The following PCDH15 variants were observed in gnomAD, a reference collection of about 807,000 sequenced individuals.
PCDH15 encodes the protein protocadherin-15.
A neutral mutation model predicts 178.5 loss-of-function variants in PCDH15; 129 were observed. The observed-to-expected ratio is 0.72, with a 90% confidence interval of 0.63 to 0.84. The LOEUF is 0.84. PCDH15 is among the 40% of genes least tolerant of loss of function. The pLI, the probability that PCDH15 is intolerant of heterozygous loss-of-function variation, is 0.00. For missense variants in PCDH15, 2,230 were observed against 2,099.9 expected (o/e 1.06, Z -1.21); for synonymous variants, 800 against 732.0 (o/e 1.09, Z -1.50).
intron 2 of PCDH15, among the ~76,000 whole-genome samples, chr10:55,086,188 C>T (rs563205139): frequency 9.9e-5 from 15 of 151,952 alleles, no homozygotes; most frequent in African/African-American, 3.6e-4. Flanking sequence ...CTAAAACTTT[C>T]CAGGGAATAA....
chr10:54,195,660 A>G (rs2049528141), intron 11 of PCDH15, 23 bp downstream of exon 11: 1 of 1,586,774 alleles, frequency 6.3e-7, no homozygotes, highest in Non-Finnish European at 8.7e-7. Flanking sequence ...CACAAACAAG[A>G]GCAAAATATG....
At chr10:54,943,864 G>GA (rs397933136) in intron 2 of PCDH15, among the ~76,000 whole-genome samples, 45,415 of 144,782 alleles carry the variant, frequency 0.31, 7,064 homozygotes, top group Middle Eastern at 0.37. Context: ...TCCTTGGCTA[G>GA]AAAAAAAAAA....
intron 8 of PCDH15, among the ~76,000 whole-genome samples, chr10:54,271,679 T>C (rs1390780139): frequency 6.6e-6 from 1 of 152,120 alleles, no homozygotes; most frequent in East Asian, 1.9e-4. Flanking sequence ...AGAGGAAGTA[T>C]AAAAGATACA....
intron 2 of PCDH15, among the ~76,000 whole-genome samples, chr10:55,546,743 T>C (rs1841890126): frequency 6.6e-6 from 1 of 152,182 alleles, no homozygotes; most frequent in Non-Finnish European, 1.5e-5. Context: ...TTTTTACTGA[T>C]AGCCTTACTT....
Position 54,503,264 on chromosome 10 carries a change from T to TGTGTGTGTGTGTGTGTGTGA in PCDH15, c.157+24547_157+24548insTCACACACACACACACACAC, listed in dbSNP as rs35648214. On this transcript the variant is annotated intron_variant, in intron 3 of 37. Transcript: ENST00000644397. Reference sequence around the variant, plus strand: ...GTGTGTGTGTGTGTGTGTGTGTGTGTGATTATATATATTTATATATAATAT... The same window carrying TGTGTGTGTGTGTGTGTGTGA: ...GTGTGTGTGTGTGTGTGTGTGTGTGTGTGTGTGTGTGTGTGTGTGAGATTATATATATTTATATATAATAT... 2.2e-3 allele frequency among the ~76,000 whole-genome samples: 301 copies of TGTGTGTGTGTGTGTGTGTGA among 137,352 alleles called. 10 individuals are homozygous for TGTGTGTGTGTGTGTGTGTGA. In the East Asian group the frequency reaches 0.04, roughly 18 times the overall value. The allele number at this position is 137,352 out of a possible 152,430, so 90.1% of individuals were successfully genotyped here. A position where few individuals can be genotyped will look rare whatever the true frequency, so the allele number is the denominator to read the frequency against.
At chr10:53,900,231 CT>C (rs1483071203) in intron 26 of PCDH15, among the ~76,000 whole-genome samples, 4 of 146,310 alleles carry the variant, frequency 2.7e-5, no homozygotes, top group Non-Finnish European at 4.5e-5. Flanking sequence ...CTCTCTCTCT[CT>C]CCCCCCCTCT....
At chr10:55,479,487 A>T (rs1412192423) in intron 2 of PCDH15, among the ~76,000 whole-genome samples, 2 of 151,534 alleles carry the variant, frequency 1.3e-5, no homozygotes, top group African/African-American at 4.8e-5. Flanking sequence ...AAATATTCCC[A>T]ACTAATTATT....
At chr10:54,006,621 G>A (rs1253179729) in intron 20 of PCDH15, among the ~76,000 whole-genome samples, 3 of 152,128 alleles carry the variant, frequency 2.0e-5, no homozygotes, top group South Asian at 2.1e-4. Context: ...TCAGTAGCAC[G>A]TAACTGCCTC....
chr10:54,851,588 T>C (rs2131766486), intron 3 of PCDH15, among the ~76,000 whole-genome samples: 1 of 152,266 alleles, frequency 6.6e-6, no homozygotes, highest in East Asian at 1.9e-4. Flanking sequence ...TATGTGTGTG[T>C]GTGTATAGTT....
chr10:53,963,547 T>C (rs2134323453), intron 21 of PCDH15, among the ~76,000 whole-genome samples: 1 of 152,304 alleles, frequency 6.6e-6, no homozygotes, highest in Non-Finnish European at 1.5e-5. Context: ...TATCAAATTT[T>C]AATATCTGGC....
chr10:55,304,196 G>T (rs76067988), intron 1 of PCDH15, among the ~76,000 whole-genome samples: 2 of 151,994 alleles, frequency 1.3e-5, no homozygotes, highest in Non-Finnish European at 2.9e-5. Context: ...TGCAAGTAGG[G>T]CCTAAAGGTT....
intron 2 of PCDH15, among the ~76,000 whole-genome samples, chr10:55,104,962 G>A (rs745814818): frequency 2.0e-5 from 3 of 152,118 alleles, no homozygotes; most frequent in African/African-American, 7.2e-5. Context: ...AAGCAGATAC[G>A]CACAGCACTT....
intron 2 of PCDH15, among the ~76,000 whole-genome samples, chr10:55,140,673 T>C (rs1838326534): frequency 6.6e-6 from 1 of 152,000 alleles, no homozygotes; most frequent in Non-Finnish European, 1.5e-5. Context: ...CTGGAAGATA[T>C]TATGGACAAT....
At chr10:55,444,075 G>A (rs151145160) in intron 2 of PCDH15, among the ~76,000 whole-genome samples, 118 of 149,048 alleles carry the variant, frequency 7.9e-4, no homozygotes, top group African/African-American at 2.6e-3. Context: ...ATAAGTGGGA[G>A]TTGAACAATG....
intron 2 of PCDH15, among the ~76,000 whole-genome samples, chr10:55,484,265 C>G (rs556639369): frequency 1.8e-4 from 28 of 151,652 alleles, no homozygotes; most frequent in Non-Finnish European, 3.8e-4. Flanking sequence ...TGTTGCAAAC[C>G]TGCACTTGTA....
At chr10:55,149,054 C>T (rs923207116) in intron 2 of PCDH15, among the ~76,000 whole-genome samples, 7 of 151,166 alleles carry the variant, frequency 4.6e-5, no homozygotes, top group African/African-American at 1.7e-4. Flanking sequence ...TAGCTTTTGA[C>T]ATTAAATCTC....
Position 53,903,300 on chromosome 10 carries a change from G to A in PCDH15, c.3444C>T (p.Phe1148=), listed in dbSNP as rs876657562. The A allele has an allele frequency of 4.0e-5, 65 of 1,613,102 alleles. No individual in the cohort carries two copies. The highest frequency in any genetic ancestry group is 5.5e-5 in the Non-Finnish European group (65 of 1,179,516). ...NNHPPVFQKK[F]YIGGVSEDAR... ...CATCTTCAGATACACCTCCGATGTA[G>A]AATTTTTTCTGAAACACTGGGGGAT... Residue 1148 remains phenylalanine, a synonymous_variant, in exon 26 of 38, where the codon TTC becomes TTT. Coordinates refer to ENST00000644397, the MANE Select transcript of PCDH15 (RefSeq NM_001384140.1).
At chr10:54,788,417 A>G (rs892255733) in intron 1 of PCDH15, among the ~76,000 whole-genome samples, 2 of 151,892 alleles carry the variant, frequency 1.3e-5, no homozygotes, top group Non-Finnish European at 2.9e-5. Flanking sequence ...CTATGGAATA[A>G]AATTTGGAGA....
intron 1 of PCDH15, among the ~76,000 whole-genome samples, chr10:54,732,296 A>G (rs948401034): frequency 2.6e-5 from 4 of 151,376 alleles, no homozygotes; most frequent in Admixed American, 6.6e-5. Context: ...AGCCAGAGAC[A>G]GAGCAAGTCA....
Sources: allele counts gnomAD v4.1 joint callset (sites outside exome capture counted in the v4.1 genomes callset), GRCh38; gene constraint gnomAD v4.1.1; transcripts MANE v1.5; gene names NCBI Gene and HGNC (gene_info 2026-07-23, HGNC 2026-07-21).